C1GALT1: variants seen among roughly 807,000 people sequenced by gnomAD.
C1GALT1 encodes the protein core 1 synthase, glycoprotein-N-acetylgalactosamine 3-beta-galactosyltransferase 1.
In C1GALT1, 11 loss-of-function variants were observed where a neutral mutation model predicts 31.0. The ratio of observed to expected loss-of-function variants is 0.36; its 90% CI spans 0.22 to 0.59. The LOEUF is 0.59. Among genes scored for constraint, C1GALT1 ranks in the 20% least tolerant of loss-of-function variants. The pLI, the probability that C1GALT1 is intolerant of heterozygous loss-of-function variation, is 0.79. For missense variants in C1GALT1, 424 were observed against 425.2 expected (o/e 1.00, Z 0.03); for synonymous variants, 175 against 143.6 (o/e 1.22, Z -1.56).
intron 1 of C1GALT1, among the ~76,000 whole-genome samples, chr7:7,203,008 C>G (rs774341536): frequency 1.5e-4 from 23 of 148,810 alleles, no homozygotes; most frequent in Non-Finnish European, 2.4e-4. Context: ...AAGAAGTGTT[C>G]TAGTTAGTGC....
At chr7:7,211,302 C>T (rs907049107) in intron 1 of C1GALT1, among the ~76,000 whole-genome samples, 4 of 152,098 alleles carry the variant, frequency 2.6e-5, no homozygotes, top group African/African-American at 9.7e-5. Context: ...TGTAGCCACC[C>T]GGGGCTGAAG....
intron 1 of C1GALT1, among the ~76,000 whole-genome samples, chr7:7,211,492 ATAAT>A (rs1407269623): frequency 1.3e-5 from 2 of 152,256 alleles, no homozygotes; most frequent in African/African-American, 2.4e-5. Context: ...TCTAAGGATA[ATAAT>A]TAAGCAAAAT....
At chr7:7,190,837 T>C (rs1177581805) in intron 1 of C1GALT1, among the ~76,000 whole-genome samples, 1 of 152,152 alleles carries the variant, frequency 6.6e-6, no homozygotes, top group Non-Finnish European at 1.5e-5. Context: ...TGGTCCAAAG[T>C]TTTAGAATAC....
intron 1 of C1GALT1, among the ~76,000 whole-genome samples, chr7:7,204,082 G>A (rs1383755216): frequency 7.0e-6 from 1 of 143,090 alleles, no homozygotes; most frequent in African/African-American, 2.6e-5. Flanking sequence ...GTCAGGAAGT[G>A]TTCCCTCCTC....
intron 1 of C1GALT1, among the ~76,000 whole-genome samples, chr7:7,232,873 G>T (rs1258586962): frequency 2.0e-5 from 3 of 152,128 alleles, no homozygotes; most frequent in Admixed American, 2.0e-4. Context: ...TTAATTACCT[G>T]TTTAAAATTA....
chr7:7,186,565 T>G (rs1780823987), intron 1 of C1GALT1, among the ~76,000 whole-genome samples: 1 of 152,166 alleles, frequency 6.6e-6, no homozygotes, highest in African/African-American at 2.4e-5. Flanking sequence ...CTGATCAAGA[T>G]GGAAAAGAGA....
intron 1 of C1GALT1, among the ~76,000 whole-genome samples, chr7:7,189,553 TTTTC>T (rs1780966980): frequency 6.6e-6 from 1 of 151,908 alleles, no homozygotes; most frequent in African/African-American, 2.4e-5. Flanking sequence ...GAATCTTTTA[TTTTC>T]TTTATCTGTT....
rs1328616976 is a variant in C1GALT1 at position 7,247,616 on chromosome 7, G to A, written c.*3889G>A. On this transcript the variant is annotated 3_prime_UTR_variant, in exon 4 of 4. Transcript: ENST00000436587. ...ATAGTTACTACCAGGTTGATGCACT[G>A]TACTTGAAAGAATCCCTTGATTAAA... 1.3e-5 allele frequency: 2 copies of A among 152,048 alleles called. No individual in the cohort carries two copies. The highest frequency in any genetic ancestry group is 2.9e-5 in the Non-Finnish European group (2 of 67,944). 9.4% of individuals were successfully genotyped at this position (152,048 alleles called of 1,614,324 possible).
At chr7:7,207,180 T>C (rs1464387276) in intron 1 of C1GALT1, among the ~76,000 whole-genome samples, 1 of 152,074 alleles carries the variant, frequency 6.6e-6, no homozygotes, top group African/African-American at 2.4e-5. Flanking sequence ...AATTGTTCTC[T>C]CTTCAAGTTC....
chr7:7,165,145 G>C (rs928047838), intron 2 of C1GALT1, among the ~76,000 whole-genome samples: 2 of 152,116 alleles, frequency 1.3e-5, no homozygotes, highest in African/African-American at 4.8e-5. Flanking sequence ...AACCACAGTA[G>C]CCAGGAAGAG....
chr7:7,229,728 A>T (rs995474838), intron 1 of C1GALT1, among the ~76,000 whole-genome samples: 4 of 152,196 alleles, frequency 2.6e-5, no homozygotes, highest in Admixed American at 6.5e-5. Flanking sequence ...TATAAAGATT[A>T]CACTAACGGC....
intron 1 of C1GALT1, among the ~76,000 whole-genome samples, chr7:7,183,879 A>G (rs1780700901): frequency 6.6e-6 from 1 of 152,254 alleles, no homozygotes; most frequent in Non-Finnish European, 1.5e-5. Context: ...ATAAATTTAG[A>G]ACCATAATGA....
At chr7:7,194,572 G>C (rs1471412361) in intron 1 of C1GALT1, among the ~76,000 whole-genome samples, 1 of 152,078 alleles carries the variant, frequency 6.6e-6, no homozygotes, top group Non-Finnish European at 1.5e-5. Flanking sequence ...GATTCGGCTA[G>C]CTAGTATTTT....
chr7:7,185,532 CTTG>C (rs1385566540), intron 1 of C1GALT1, among the ~76,000 whole-genome samples: 2 of 152,206 alleles, frequency 1.3e-5, no homozygotes, highest in Non-Finnish European at 2.9e-5. Flanking sequence ...TGCCTCTTAG[CTTG>C]TTGTGTTACT....
chr7:7,233,271 C>CT (rs528587194), intron 1 of C1GALT1, among the ~76,000 whole-genome samples: 115 of 149,028 alleles, frequency 7.7e-4, no homozygotes, highest in Admixed American at 5.1e-3. Flanking sequence ...CAAACTTTTT[C>CT]TTTTTTTTTT....
chr7:7,185,403 G>C (rs375400370), intron 1 of C1GALT1, among the ~76,000 whole-genome samples: 80 of 152,246 alleles, frequency 5.3e-4, no homozygotes, highest in African/African-American at 1.8e-3. Flanking sequence ...AACAAAATAC[G>C]ACAAACTGGG....
chr7:7,231,320 A>G (rs79880004), intron 1 of C1GALT1, among the ~76,000 whole-genome samples: 6,122 of 151,756 alleles, frequency 0.04, 225 homozygotes, highest in African/African-American at 0.11. Context: ...TGTAATCTTC[A>G]TTGGGTTTTG....
At chr7:7,184,442 A>C (rs1335895675) in intron 1 of C1GALT1, among the ~76,000 whole-genome samples, 1 of 152,240 alleles carries the variant, frequency 6.6e-6, no homozygotes, top group Admixed American at 6.5e-5. Flanking sequence ...TTTTAAGACT[A>C]GACTACGTTG....
intron 1 of C1GALT1, among the ~76,000 whole-genome samples, chr7:7,196,437 C>G (rs752883055): frequency 6.6e-6 from 1 of 152,064 alleles, no homozygotes; most frequent in Non-Finnish European, 1.5e-5. Context: ...TGTGTATGTA[C>G]CACATTTTCT....
Sources: gnomAD v4.1 joint callset for allele counts (sites outside exome capture counted in the v4.1 genomes callset) on GRCh38, gnomAD v4.1.1 for gene constraint, MANE v1.5 for transcripts, NCBI Gene and HGNC (gene_info 2026-07-23, HGNC 2026-07-21) for gene names.